RNF220: variants seen among roughly 807,000 people sequenced by gnomAD.
RNF220 encodes the protein E3 ubiquitin-protein ligase RNF220.
A neutral mutation model predicts 67.1 loss-of-function variants in RNF220; 7 were observed. That is an observed-to-expected ratio of 0.10 (90% CI 0.06 to 0.20). RNF220 has a LOEUF of 0.20. Among genes scored for constraint, RNF220 ranks in the 10% least tolerant of loss-of-function variants. The pLI is 1.00. For missense variants in RNF220, 565 were observed against 740.3 expected (o/e 0.76, Z 2.75); for synonymous variants, 270 against 283.2 (o/e 0.95, Z 0.47).
chr1:44,470,921 C>T (rs1654746048), intron 2 of RNF220, among the ~76,000 whole-genome samples: 2 of 152,136 alleles, frequency 1.3e-5, no homozygotes, highest in South Asian at 4.1e-4. Flanking sequence ...AGGTGACCTT[C>T]TCCGCTTCTT....
At chr1:44,631,382 A>G (rs1356185896) in intron 5 of RNF220, among the ~76,000 whole-genome samples, 2 of 152,250 alleles carry the variant, frequency 1.3e-5, no homozygotes, top group African/African-American at 4.8e-5. Flanking sequence ...AGTGGGGTCC[A>G]GGACGACTCT....
intron 2 of RNF220, among the ~76,000 whole-genome samples, chr1:44,512,296 C>T (rs1035726179): frequency 1.3e-5 from 2 of 152,128 alleles, no homozygotes; most frequent in Non-Finnish European, 2.9e-5. Flanking sequence ...TCAACAACCA[C>T]ATGAACACCT....
chr1:44,639,223 G>A (rs984419904), intron 8 of RNF220, among the ~76,000 whole-genome samples: 2 of 152,224 alleles, frequency 1.3e-5, no homozygotes, highest in Non-Finnish European at 1.5e-5. Context: ...CTAAGGAGGT[G>A]TGTGACTAAG....
intron 2 of RNF220, among the ~76,000 whole-genome samples, chr1:44,517,498 T>G (rs1393248186): frequency 6.6e-6 from 1 of 152,240 alleles, no homozygotes; most frequent in East Asian, 1.9e-4. Flanking sequence ...CTTTGACTGT[T>G]GTCATCACCG....
intron 4 of RNF220, among the ~76,000 whole-genome samples, chr1:44,626,015 C>G (rs1643928450): frequency 6.6e-6 from 1 of 152,074 alleles, no homozygotes; most frequent in African/African-American, 2.4e-5. Flanking sequence ...ATAGTCTCAG[C>G]CTACTCGGAG....
chr1:44,555,449 T>C (rs1009582438), intron 2 of RNF220, among the ~76,000 whole-genome samples: 7 of 152,018 alleles, frequency 4.6e-5, no homozygotes, highest in Non-Finnish European at 1.0e-4. Context: ...ATTCCAGCTA[T>C]ACTGAACGTA....
intron 2 of RNF220, among the ~76,000 whole-genome samples, chr1:44,503,145 C>T (rs1658079768): frequency 6.6e-6 from 1 of 151,824 alleles, no homozygotes; most frequent in Non-Finnish European, 1.5e-5. Context: ...ACCAGTCTGG[C>T]CAACATGGTG....
At chr1:44,619,896 G>T (rs1643722154) in intron 3 of RNF220, among the ~76,000 whole-genome samples, 1 of 152,170 alleles carries the variant, frequency 6.6e-6, no homozygotes, top group Non-Finnish European at 1.5e-5. Context: ...TCAGAGAGAG[G>T]CAAGGAGTCT....
rs12077543 is a variant in RNF220, at chr1:44,430,301, T to A, written c.625+17579T>A. On this transcript the variant is annotated intron_variant, in intron 2 of 14. Transcript: ENST00000361799. ...TATAATTAAAAAATTTAGTTTATGA[T>A]TTTAAAAAGTTAATTTGGAGATGCT... Among the ~76,000 whole-genome samples the A allele has an allele frequency of 6.5e-3, 991 of 152,132 alleles. 16 individuals carry two copies. The highest frequency in any genetic ancestry group is 0.023 in the African/African-American group (952 of 41,538).
chr1:44,449,691 G>A (rs960956260), intron 2 of RNF220, among the ~76,000 whole-genome samples: 1 of 152,226 alleles, frequency 6.6e-6, no homozygotes, highest in African/African-American at 2.4e-5. Context: ...TGGGATTGGG[G>A]TATGGGCCAT....
intron 8 of RNF220, among the ~76,000 whole-genome samples, chr1:44,641,578 G>A (rs574692132): frequency 6.6e-6 from 1 of 152,208 alleles, no homozygotes; most frequent in Non-Finnish European, 1.5e-5. Context: ...CAAGCGGGAG[G>A]GGGGGCAAGC....
intron 3 of RNF220, among the ~76,000 whole-genome samples, chr1:44,620,428 G>A (rs1418548670): frequency 6.6e-6 from 1 of 152,226 alleles, no homozygotes; most frequent in Non-Finnish European, 1.5e-5. Context: ...GTGTTGTACA[G>A]TAGATACCTC....
In RNF220 at chr1:44,507,731, G is replaced by GGCGAAGCAGTTGGTGGTGA. The variant is rs1314041108; in HGVS notation, c.625+95011_625+95012insGAAGCAGTTGGTGGTGAGC. Among the ~76,000 whole-genome samples, 13 of 152,320 alleles carry GGCGAAGCAGTTGGTGGTGA rather than the reference G, an allele frequency of 8.5e-5. No individual in the cohort carries two copies. In the South Asian group the frequency reaches 2.3e-3, roughly 27 times the overall value. On this transcript the variant is annotated intron_variant, in intron 2 of 14. Coordinates refer to ENST00000361799, the MANE Select transcript of RNF220 (RefSeq NM_018150.4). ...AGCAGTTGGTGGTGAGCAGTGAAGT[G>GGCGAAGCAGTTGGTGGTGA]GCCGGTGTGGGCGGCTTGGGCGCTG...
intron 2 of RNF220, among the ~76,000 whole-genome samples, chr1:44,464,902 A>G (rs1204645556): frequency 6.6e-6 from 1 of 152,310 alleles, no homozygotes; most frequent in South Asian, 2.1e-4. Flanking sequence ...TCCGTATCTC[A>G]TCAGCATCCA....
At chr1:44,619,621 G>T (rs2148443516) in intron 3 of RNF220, among the ~76,000 whole-genome samples, 1 of 152,272 alleles carries the variant, frequency 6.6e-6, no homozygotes, top group Non-Finnish European at 1.5e-5. Context: ...GCGTTTCCTG[G>T]GTCCCAGTTA....
chr1:44,567,713 C>T (rs1664128068), intron 2 of RNF220, among the ~76,000 whole-genome samples: 1 of 152,134 alleles, frequency 6.6e-6, no homozygotes, highest in African/African-American at 2.4e-5. Context: ...TTCTCTCTTC[C>T]TCCCTTCACT....
chr1:44,607,925 CT>C (rs56995665), intron 2 of RNF220, among the ~76,000 whole-genome samples: 58,769 of 141,624 alleles, frequency 0.41, 12,445 homozygotes, highest in East Asian at 0.81. Context: ...GTTCTGTGTA[CT>C]TTTTTTTTTT....
rs925702282 is a variant in RNF220, at chr1:44,640,132, G to A, written c.1126+3970G>A. Among the ~76,000 whole-genome samples the A allele has an allele frequency of 5.9e-5, 9 of 152,358 alleles. No individual in the cohort carries two copies. In the South Asian group the frequency reaches 1.9e-3, roughly 32 times the overall value. On this transcript the variant is annotated intron_variant, in intron 8 of 14. Coordinates refer to ENST00000361799, the MANE Select transcript of RNF220 (RefSeq NM_018150.4). The stretch of plus-strand genomic sequence containing the variant: ...CTGGCTATTTCTTGATAAAACTTCA[G>A]CGCCAGAAGTATGGGGCAAGGGGGT...
At position 44,417,597 on chromosome 1, in the gene RNF220, G is replaced by A. The variant is rs1269579458; in HGVS notation, c.625+4875G>A. Among the ~76,000 whole-genome samples the A allele has an allele frequency of 2.6e-5, 4 of 152,180 alleles. No individual in the cohort carries two copies. Among genetic ancestry groups the A allele is most frequent in the African/African-American group, 9.6e-5 (4 of 41,458 alleles). On this transcript the variant is annotated intron_variant, in intron 2 of 14. Coordinates refer to ENST00000361799, the MANE Select transcript of RNF220 (RefSeq NM_018150.4). This position sits in a 1 kb window ranked among gnomAD's most constrained non-coding sequence, Gnocchi z 4.0. ...GGCCGGAATGCCTAATCACCATGGT[G>A]AGAAAACGGACACCGCAGCCGTCCT... is the stretch of plus-strand genomic sequence containing the variant.
Sources: allele counts gnomAD v4.1 joint callset (sites outside exome capture counted in the v4.1 genomes callset), GRCh38; gene constraint gnomAD v4.1.1; non-coding constraint Gnocchi (gnomAD v3.1); transcripts MANE v1.5; gene names NCBI Gene and HGNC (gene_info 2026-07-23, HGNC 2026-07-21).